PTPRD: variants seen among roughly 807,000 people sequenced by gnomAD.
PTPRD encodes the protein protein tyrosine phosphatase receptor type D.
A neutral mutation model predicts 214.5 loss-of-function variants in PTPRD; 34 were observed. The observed-to-expected ratio is 0.16, with a 90% CI of 0.12 to 0.21. The LOEUF is 0.21. PTPRD is among the 10% of genes least tolerant of loss of function. PTPRD has a pLI of 1.00. For missense variants in PTPRD, 2,545 were observed against 2,398.7 expected (o/e 1.06, Z -1.27); for synonymous variants, 1,128 against 845.7 (o/e 1.33, Z -5.79).
In PTPRD at chr9:8,733,889, C is replaced by A. The variant is rs2098688597; in HGVS notation, c.-46G>T. Reference sequence around the variant, plus strand: ...TGCGCGAGCAGCTTGGAATCACTGCCTCCGGAGCCGCAGCGAGTCTGTCCG... The same window carrying A: ...TGCGCGAGCAGCTTGGAATCACTGCATCCGGAGCCGCAGCGAGTCTGTCCG... On this transcript the variant is annotated 5_prime_UTR_variant, in exon 12 of 46. In the 5' UTR this introduces an upstream ATG that the reference lacks. Transcript: ENST00000381196. 1 of 1,538,208 alleles carries A rather than the reference C, an allele frequency of 6.5e-7. No individual in the cohort carries two copies. Among genetic ancestry groups the A allele is most frequent in the Non-Finnish European group, 8.8e-7 (1 of 1,138,816 alleles).
At chr9:9,713,612 C>T (rs2097771736) in intron 7 of PTPRD, among the ~76,000 whole-genome samples, 1 of 152,092 alleles carries the variant, frequency 6.6e-6, no homozygotes. Context: ...CAAAATTGAG[C>T]TGGTCCTTGA....
chr9:8,779,144 T>C (rs554757288), intron 11 of PTPRD, among the ~76,000 whole-genome samples: 1 of 152,226 alleles, frequency 6.6e-6, no homozygotes, highest in South Asian at 2.1e-4. Context: ...AAAGACAGTA[T>C]ACCCATAGCA....
chr9:9,925,615 G>A (rs2084001957), intron 5 of PTPRD, among the ~76,000 whole-genome samples: 1 of 150,908 alleles, frequency 6.6e-6, no homozygotes, highest in South Asian at 2.1e-4. Context: ...GCATTCAGAT[G>A]ACAAAATTTT....
intron 2 of PTPRD, among the ~76,000 whole-genome samples, chr9:10,576,248 A>C (rs771066008): frequency 6.6e-6 from 1 of 152,150 alleles, no homozygotes; most frequent in Non-Finnish European, 1.5e-5. Flanking sequence ...ATATCTTATA[A>C]GAATTTTCAG....
intron 8 of PTPRD, among the ~76,000 whole-genome samples, chr9:9,458,666 G>C (rs991291886): frequency 2.0e-4 from 30 of 152,062 alleles, no homozygotes; most frequent in African/African-American, 6.8e-4. Flanking sequence ...AAATGACCAA[G>C]TAGAGTGGCT....
intron 5 of PTPRD, among the ~76,000 whole-genome samples, chr9:9,809,969 C>A (rs529762628): frequency 3.7e-4 from 57 of 152,090 alleles, no homozygotes; most frequent in South Asian, 1.2e-3. Context: ...TGGGTTTGAA[C>A]TGTGTGAGTT....
At chr9:8,990,893 C>A (rs930221403) in intron 11 of PTPRD, among the ~76,000 whole-genome samples, 1 of 151,890 alleles carries the variant, frequency 6.6e-6, no homozygotes, top group Non-Finnish European at 1.5e-5. Flanking sequence ...TACATGGCTG[C>A]CTATACTTCA....
chr9:10,277,537 G>A lies in PTPRD; in HGVS notation c.-545+63426C>T, dbSNP rs565798257. On this transcript the variant is annotated intron_variant, in intron 3 of 45. Coordinates refer to ENST00000381196, the MANE Select transcript of PTPRD (RefSeq NM_002839.4). The stretch of plus-strand genomic sequence containing the variant: ...AGCCTAACATATGATCTAAGTTTAA[G>A]ATAAGCATATAAACTGATTAGCTGA... Among the ~76,000 whole-genome samples, 15 of 152,092 alleles carry A rather than the reference G, an allele frequency of 9.9e-5. No individual in the cohort carries two copies. In the South Asian group the frequency reaches 1.9e-3, roughly 19 times the overall value.
chr9:10,285,616 T>TTTG (rs1555049147), intron 3 of PTPRD, among the ~76,000 whole-genome samples: 1 of 146,110 alleles, frequency 6.8e-6, no homozygotes, highest in African/African-American at 2.6e-5. Context: ...TTTTTTTTTT[T>TTTG]TTTTTTTTTT....
chr9:9,087,010 A>G (rs1451559164), intron 10 of PTPRD, among the ~76,000 whole-genome samples: 1 of 152,190 alleles, frequency 6.6e-6, no homozygotes, highest in Non-Finnish European at 1.5e-5. Context: ...AGTGACACAC[A>G]CAAGCTGAAT....
intron 3 of PTPRD, among the ~76,000 whole-genome samples, chr9:10,141,947 C>T (rs2098988366): frequency 6.6e-6 from 1 of 152,090 alleles, no homozygotes; most frequent in Non-Finnish European, 1.5e-5. Flanking sequence ...TGGAACAGAA[C>T]AGAGCCCTCA....
chr9:9,770,802 G>C (rs1217836064), intron 5 of PTPRD, among the ~76,000 whole-genome samples: 1 of 152,110 alleles, frequency 6.6e-6, no homozygotes, highest in African/African-American at 2.4e-5. Context: ...TGGATTTCTA[G>C]AGCCAAAGAA....
chr9:10,453,145 T>G (rs926323281), intron 2 of PTPRD, among the ~76,000 whole-genome samples: 2 of 151,734 alleles, frequency 1.3e-5, no homozygotes, highest in Non-Finnish European at 3.0e-5. Flanking sequence ...ATGATTTTAT[T>G]TCTGTCTCCA....
intron 3 of PTPRD, among the ~76,000 whole-genome samples, chr9:10,037,142 C>G (rs549317449): frequency 6.6e-6 from 1 of 152,046 alleles, no homozygotes; most frequent in African/African-American, 2.4e-5. Flanking sequence ...CCTTCTGCCT[C>G]AGCCTCCCAA....
At chr9:10,362,677 C>T (rs909607310) in intron 2 of PTPRD, among the ~76,000 whole-genome samples, 1 of 151,928 alleles carries the variant, frequency 6.6e-6, no homozygotes, top group African/African-American at 2.4e-5. Context: ...GTCAGGAGAT[C>T]GAGACCAGCC....
Position 9,833,682 on chromosome 9 carries a change from G to GT in PTPRD, c.-367-66832_-367-66831insA, listed in dbSNP as rs1555186440. Among the ~76,000 whole-genome samples, 5 of 89,264 alleles carry GT rather than the reference G, an allele frequency of 5.6e-5. No individual in the cohort carries two copies. The East Asian group carries it at 7.4e-4, about 13-fold the overall frequency. The allele number at this position is 89,264 out of a possible 152,430, so 58.6% of individuals were successfully genotyped here. A position where few individuals can be genotyped will look rare whatever the true frequency, so the allele number is the denominator to read the frequency against. On this transcript the variant is annotated intron_variant, in intron 5 of 45. Coordinates refer to ENST00000381196, the MANE Select transcript of PTPRD (RefSeq NM_002839.4). Reference sequence around the variant, plus strand: ...CCATAAGAGACAGGTACGCTCCGGAGAGGGGGGCAGTTCAGAGACCTACCC... The same window carrying GT: ...CCATAAGAGACAGGTACGCTCCGGAGTAGGGGGGCAGTTCAGAGACCTACCC...
chr9:8,973,474 A>G (rs1281433792), intron 11 of PTPRD, among the ~76,000 whole-genome samples: 1 of 152,048 alleles, frequency 6.6e-6, no homozygotes, highest in Non-Finnish European at 1.5e-5. Context: ...GTTGATAGGT[A>G]CCTAGGTTGA....
intron 39 of PTPRD, among the ~76,000 whole-genome samples, chr9:8,360,621 T>C (rs1588643946): frequency 6.6e-6 from 1 of 152,312 alleles, no homozygotes; most frequent in African/African-American, 2.4e-5. Flanking sequence ...TTTTGCACAG[T>C]GAAGTTGTAA....
chr9:9,931,621 A>T (rs2086614293), intron 5 of PTPRD, among the ~76,000 whole-genome samples: 1 of 151,870 alleles, frequency 6.6e-6, no homozygotes, highest in Non-Finnish European at 1.5e-5. Flanking sequence ...GTCTGAGATC[A>T]AACTGCAAGA....
Sources: gnomAD v4.1 joint callset for allele counts (sites outside exome capture counted in the v4.1 genomes callset) on GRCh38, gnomAD v4.1.1 for gene constraint, MANE v1.5 for transcripts, NCBI Gene and HGNC (gene_info 2026-07-23, HGNC 2026-07-21) for gene names.